The following BBS9 variants were observed in gnomAD, a reference collection of about 807,000 sequenced individuals.
BBS9 encodes protein PTHB1.
A neutral mutation model predicts 117.7 loss-of-function variants in BBS9; 89 were observed. The observed-to-expected ratio is 0.76, with a 90% CI of 0.64 to 0.90. The LOEUF is 0.90. Among genes scored for constraint, BBS9 ranks in the 40% least tolerant of loss-of-function variants. The pLI, the probability that BBS9 is intolerant of heterozygous loss-of-function variation, is 0.00. For synonymous variants in BBS9, 379 were observed against 370.9 expected (o/e 1.02, Z -0.25); for missense variants, 982 against 1,042.2 (o/e 0.94, Z 0.80).
intron 5 of BBS9, among the ~76,000 whole-genome samples, chr7:33,200,173 C>G (rs777979352): frequency 6.6e-6 from 1 of 152,070 alleles, no homozygotes; most frequent in Non-Finnish European, 1.5e-5. Flanking sequence ...TCACTGTTTT[C>G]ATTTCTGTTG....
Position 33,383,792 on chromosome 7 carries a change from C to T in BBS9, c.1916C>T (p.Ser639Phe). 1.4e-5 allele frequency: 22 copies of T among 1,612,754 alleles called. No individual in the cohort carries two copies. The highest frequency in any genetic ancestry group is 1.8e-5 in the Non-Finnish European group (21 of 1,179,884). ...VKDFACSFSG[S>F]IPLQEYFELI... ...GATTTTGCATGTTCTTTTTCGGGAT[C>T]TATACCCCTTCAAGAATATTTTGAG... The change falls in exon 18 of 23, where the codon TCT becomes TTT. Residue 639 changes from serine (S) to phenylalanine (F), a missense_variant. Physicochemically the swap from Ser to Phe is radical, Grantham distance 155. Transcript: ENST00000242067.
intron 7 of BBS9, among the ~76,000 whole-genome samples, chr7:33,267,050 A>ATATT (rs1476279362): frequency 6.6e-6 from 1 of 151,934 alleles, no homozygotes; most frequent in Admixed American, 6.6e-5. Context: ...GCATATATCT[A>ATATT]TATTTATTTA....
chr7:33,259,692 G>C lies in BBS9; in HGVS notation c.617+2282G>C, dbSNP rs2160254. Among the ~76,000 whole-genome samples the C allele has an allele frequency of 1.3e-4, 20 of 152,072 alleles. No homozygotes were observed. The South Asian group carries it at 4.1e-3, about 32-fold the overall frequency. On this transcript the variant is annotated intron_variant, in intron 6 of 22. Transcript: ENST00000242067. The stretch of plus-strand genomic sequence containing the variant: ...TCCTGGTCTGTTTGCCCTTTACTGA[G>C]GGTAAGGGTAAGGGCTTTGGTACCA...
At chr7:33,407,133 C>A (rs891165988) in intron 19 of BBS9, among the ~76,000 whole-genome samples, 3 of 152,136 alleles carry the variant, frequency 2.0e-5, no homozygotes, top group African/African-American at 7.2e-5. Flanking sequence ...TTGCTCATTT[C>A]TTTTTATTCT....
chr7:33,257,487 G>A, intron 6 of BBS9, 77 bp downstream of exon 6: 2 of 1,290,138 alleles, frequency 1.6e-6, no homozygotes, highest in Non-Finnish European at 2.2e-6. Context: ...TCCACAAAGA[G>A]CTTCAATATC....
intron 20 of BBS9, among the ~76,000 whole-genome samples, chr7:33,515,402 A>G (rs1847601584): frequency 6.6e-6 from 1 of 152,190 alleles, no homozygotes; most frequent in African/African-American, 2.4e-5. Flanking sequence ...CCCGTGTACT[A>G]TAACGAGCAT....
intron 19 of BBS9, among the ~76,000 whole-genome samples, chr7:33,450,189 G>A (rs574084447): frequency 6.6e-6 from 1 of 152,324 alleles, no homozygotes; most frequent in South Asian, 2.1e-4. Flanking sequence ...CGTCTATGCT[G>A]TATAACACAT....
At chr7:33,289,064 A>G (rs147875290) in intron 9 of BBS9, among the ~76,000 whole-genome samples, 8 of 152,310 alleles carry the variant, frequency 5.3e-5, no homozygotes, top group Non-Finnish European at 1.0e-4. Flanking sequence ...TTTTGCTTTT[A>G]CTGAAAAACT....
chr7:33,141,348 G>A (rs1245401817), intron 1 of BBS9, among the ~76,000 whole-genome samples: 1 of 152,114 alleles, frequency 6.6e-6, no homozygotes, highest in Non-Finnish European at 1.5e-5. Context: ...CTGAACTTGG[G>A]AGGTAGAGGT....
chr7:33,385,316 C>T (rs12666246), intron 18 of BBS9, among the ~76,000 whole-genome samples: 6,866 of 152,122 alleles, frequency 0.045, 203 homozygotes, highest in East Asian at 0.14. Flanking sequence ...TTAAGGGGGG[C>T]GTTGTTATGC....
At position 33,435,551 on chromosome 7, in the gene BBS9, A is replaced by T. The variant is rs190189109; in HGVS notation, c.2115+47407A>T. On this transcript the variant is annotated intron_variant, in intron 19 of 22. Transcript: ENST00000242067. ...ACTCTATTAAGTATGCAGCACTCAG[A>T]AAAGTAATGCCTTCAAAAATGTTTT... Among the ~76,000 whole-genome samples the T allele has an allele frequency of 5.7e-5, 4 of 70,140 alleles. No homozygotes were observed. The East Asian group carries it at 1.9e-3, about 34-fold the overall frequency. 46.0% of individuals were successfully genotyped at this position (70,140 alleles called of 152,430 possible).
At chr7:33,210,100 C>T (rs1787737814) in intron 5 of BBS9, among the ~76,000 whole-genome samples, 1 of 152,124 alleles carries the variant, frequency 6.6e-6, no homozygotes, top group African/African-American at 2.4e-5. Context: ...TTTCCATTTT[C>T]ATTTGTTTCA....
intron 19 of BBS9, among the ~76,000 whole-genome samples, chr7:33,426,068 A>G (rs1833618973): frequency 6.6e-6 from 1 of 152,202 alleles, no homozygotes; most frequent in Non-Finnish European, 1.5e-5. Context: ...AAATATTGGC[A>G]TGAAGAGAAC....
chr7:33,404,521 G>T (rs1317783077), intron 19 of BBS9, among the ~76,000 whole-genome samples: 1 of 152,036 alleles, frequency 6.6e-6, no homozygotes, highest in Non-Finnish European at 1.5e-5. Flanking sequence ...TTATTTCATT[G>T]AGCAGTGGTT....
chr7:33,315,406 C>T (rs1457904083), intron 9 of BBS9, among the ~76,000 whole-genome samples: 4 of 152,162 alleles, frequency 2.6e-5, no homozygotes, highest in African/African-American at 9.7e-5. Flanking sequence ...GGATTTACAG[C>T]TTGTCTTAAT....
At chr7:33,631,941 C>G (rs1194382693) in intron 21 of BBS9, among the ~76,000 whole-genome samples, 2 of 152,124 alleles carry the variant, frequency 1.3e-5, no homozygotes, top group African/African-American at 4.8e-5. Context: ...TGGGGAATCA[C>G]AGAGCTAATT....
intron 21 of BBS9, among the ~76,000 whole-genome samples, chr7:33,554,787 A>G (rs1003909306): frequency 6.6e-6 from 1 of 152,186 alleles, no homozygotes; most frequent in East Asian, 1.9e-4. Flanking sequence ...TTTCACTTAT[A>G]TGGAGAGAGA....
At chr7:33,262,831 A>C (rs1798178161) in intron 6 of BBS9, among the ~76,000 whole-genome samples, 1 of 152,128 alleles carries the variant, frequency 6.6e-6, no homozygotes, top group African/African-American at 2.4e-5. Flanking sequence ...TCATCCTTTA[A>C]AACCTAGCTT....
chr7:33,419,430 G>C (rs1832525775), intron 19 of BBS9, among the ~76,000 whole-genome samples: 1 of 152,112 alleles, frequency 6.6e-6, no homozygotes, highest in South Asian at 2.1e-4. Flanking sequence ...TGGGGAGCTT[G>C]TTTCCATTTT....
Sources: allele counts gnomAD v4.1 joint callset (sites outside exome capture counted in the v4.1 genomes callset), GRCh38; gene constraint gnomAD v4.1.1; transcripts MANE v1.5; gene names NCBI Gene and HGNC (gene_info 2026-07-23, HGNC 2026-07-21).